The following EDEM1 variants were observed in gnomAD, a reference collection of about 807,000 sequenced individuals.
The protein encoded by EDEM1 is ER degradation-enhancing alpha-mannosidase-like protein 1.
In EDEM1, 67 loss-of-function variants were observed where a neutral mutation model predicts 74.4. That is an observed-to-expected ratio of 0.90 (90% CI 0.74 to 1.10). The LOEUF is 1.10. Among genes scored for constraint, EDEM1 ranks in the 50% least tolerant of loss-of-function variants. The probability of loss-of-function intolerance (pLI) is 0.00; values close to 1 mark genes in which losing one functional copy is unlikely to be tolerated. For missense variants in EDEM1, 926 were observed against 851.6 expected, an observed-to-expected ratio of 1.09 and a Z score of -1.09; for synonymous variants, 382 against 335.9, an observed-to-expected ratio of 1.14 and a Z score of -1.50.
intron 4 of EDEM1, 152 bp downstream of exon 4, chr3:5,202,076 T>A: frequency 1.1e-6 from 1 of 945,162 alleles, no homozygotes. Flanking sequence ...AAATATGATG[T>A]AAATATTTTA....
At chr3:5,209,417 T>C (rs2055139929) in intron 8 of EDEM1, among the ~76,000 whole-genome samples, 1 of 152,176 alleles carries the variant, frequency 6.6e-6, no homozygotes, top group African/African-American at 2.4e-5. Context: ...CACTGCTTCT[T>C]TCATGTTTTC....
chr3:5,200,898 A>ATTTT (rs376272520), intron 3 of EDEM1, among the ~76,000 whole-genome samples: 1 of 148,312 alleles, frequency 6.7e-6, no homozygotes, highest in African/African-American at 2.5e-5. Flanking sequence ...ATTAAATTAA[A>ATTTT]TTTTTTTTTT....
At chr3:5,204,373 CT>C (rs111864790) in intron 5 of EDEM1, among the ~76,000 whole-genome samples, 3,834 of 145,262 alleles carry the variant, frequency 0.026, 135 homozygotes, top group African/African-American at 0.089. Context: ...TTTCCCTTTT[CT>C]TTTTTTTTTT....
intron 6 of EDEM1, among the ~76,000 whole-genome samples, chr3:5,206,455 CTCG>C (rs1286149905): frequency 6.6e-6 from 1 of 152,118 alleles, no homozygotes; most frequent in Non-Finnish European, 1.5e-5. Context: ...ATCCACCCGC[CTCG>C]GCCTCCCAAA....
intron 7 of EDEM1, 68 bp from the exon 8 acceptor site, chr3:5,208,025 C>A (rs995074555): frequency 1.3e-6 from 2 of 1,495,458 alleles, no homozygotes; most frequent in African/African-American, 2.8e-5. Context: ...CCCAGGCAGG[C>A]CCTTTGTGCC....
chr3:5,219,692 A>C lies in EDEM1; in HGVS notation c.*3774A>C, dbSNP rs2055289999. The stretch of plus-strand genomic sequence containing the variant: ...TATTTATTTTGCATAAGAAAGGTAA[A>C]TCTTTTTACAAAAAAAAGTATAGAG... On this transcript the variant is annotated 3_prime_UTR_variant, in exon 12 of 12. Coordinates refer to ENST00000256497, the MANE Select transcript of EDEM1 (RefSeq NM_014674.3). 1 of 152,652 alleles carries C rather than the reference A, an allele frequency of 6.6e-6. No individual in the cohort carries two copies. The highest frequency in any genetic ancestry group is 1.5e-5 in the Non-Finnish European group (1 of 68,044). The allele number at this position is 152,652 out of a possible 1,614,324, so 9.5% of individuals were successfully genotyped here.
At chr3:5,195,446 A>T (rs1054442099) in intron 2 of EDEM1, among the ~76,000 whole-genome samples, 165 bp downstream of exon 2, 2 of 152,234 alleles carry the variant, frequency 1.3e-5, no homozygotes, top group Non-Finnish European at 1.5e-5. Flanking sequence ...GAGAACAAGA[A>T]AAGTGTTGAA....
In EDEM1 at chr3:5,203,067, G is replaced by T; in HGVS notation, c.960G>T (p.Leu320=). 1 of 1,613,436 alleles carries T rather than the reference G, an allele frequency of 6.2e-7. No homozygotes were observed. The highest frequency in any genetic ancestry group is 1.3e-5 in the African/African-American group (1 of 74,982). Residue 320 remains leucine, a synonymous_variant, in exon 5 of 12, where the codon CTG becomes CTT. Transcript: ENST00000256497. ...LVEFGILSRL[L]GDSTFEWVAR... is the part of the protein sequence containing the mutation. ...AATTTGGGATTCTGAGTCGACTCCT[G>T]GGGGACTCCACATTTGAGTGGGTGG...
Position 5,216,119 on chromosome 3 carries a change from G to T in EDEM1, c.*201G>T. The T allele has an allele frequency of 3.7e-6, 2 of 535,144 alleles. No individual in the cohort carries two copies. The highest frequency in any genetic ancestry group is 2.0e-5 in the African/African-American group (1 of 50,668). The allele number at this position is 535,144 out of a possible 1,614,324, so 33.1% of individuals were successfully genotyped here. On this transcript the variant is annotated 3_prime_UTR_variant, in exon 12 of 12. Coordinates refer to ENST00000256497, the MANE Select transcript of EDEM1 (RefSeq NM_014674.3). ...CCTGTTCAATAAAATGCCCTGTTAA[G>T]GATATAATTTGAAGTGAGAAGATAC...
chr3:5,208,219 C>T lies in EDEM1; in HGVS notation c.1465C>T (p.Pro489Ser), dbSNP rs757527194. 4 of 1,613,698 alleles carry T rather than the reference C, an allele frequency of 2.5e-6. No homozygotes were observed. The South Asian group carries it at 3.3e-5, about 13-fold the overall frequency. ...GCAGGCCCCTGACGTTCTCTTCTAC[C>T]CACTGAGACCAGAGTTAGTGGAATC... ...QLQAPDVLFY[P>S]LRPELVESTY... Residue 489 changes from proline (P) to serine (S), a missense_variant, in exon 8 of 12, where the codon CCA becomes TCA. Transcript: ENST00000256497.
chr3:5,201,736 G>T lies in EDEM1; in HGVS notation c.687-17G>T, dbSNP rs777719936. The T allele has an allele frequency of 1.9e-5, 30 of 1,613,060 alleles. No individual in the cohort carries two copies. In the East Asian group the frequency reaches 6.5e-4, roughly 35 times the overall value. ...AGCAACACGATTGTATTATCTTTTT[G>T]TTCTTCCTGTCATTAGGGTCCTGGG... On this transcript the variant is annotated splice_polypyrimidine_tract_variant and intron_variant, in intron 3 of 11. Coordinates refer to ENST00000256497, the MANE Select transcript of EDEM1 (RefSeq NM_014674.3).
chr3:5,196,189 G>A (rs2054964712), intron 2 of EDEM1, among the ~76,000 whole-genome samples: 1 of 152,228 alleles, frequency 6.6e-6, no homozygotes, highest in African/African-American at 2.4e-5. Flanking sequence ...GGGCGCAGTG[G>A]CTCACGCCTG....
At chr3:5,206,780 G>A (rs1031653029) in intron 6 of EDEM1, among the ~76,000 whole-genome samples, 1 of 152,166 alleles carries the variant, frequency 6.6e-6, no homozygotes, top group Admixed American at 6.5e-5. Context: ...CTAGAGAAGA[G>A]ACTCTTTGTA....
At chr3:5,191,291 A>G (rs1196663129) in intron 1 of EDEM1, among the ~76,000 whole-genome samples, 1 of 151,994 alleles carries the variant, frequency 6.6e-6, no homozygotes, top group African/African-American at 2.4e-5. Flanking sequence ...TGGCATAATC[A>G]TTGCTCACTG....
intron 11 of EDEM1, among the ~76,000 whole-genome samples, chr3:5,213,767 G>T (rs750804912): frequency 6.6e-6 from 1 of 152,172 alleles, no homozygotes; most frequent in Non-Finnish European, 1.5e-5. Flanking sequence ...GATCCTGGAA[G>T]GGGGGAGCCT....
rs539932700 is a variant in EDEM1, at chr3:5,217,343, G to C, written c.*1425G>C. On this transcript the variant is annotated 3_prime_UTR_variant, in exon 12 of 12. Coordinates refer to ENST00000256497, the MANE Select transcript of EDEM1 (RefSeq NM_014674.3). ...TCCATGAAGCGTCATGGGTGGAAAC[G>C]CATTCTAGTAAAAAAGGTAGGAAAT... 6.6e-6 allele frequency: 1 copy of C among 152,600 alleles called. No individual in the cohort carries two copies. Among genetic ancestry groups the C allele is most frequent in the South Asian group, 2.1e-4 (1 of 4,832 alleles). The allele number at this position is 152,600 out of a possible 1,614,324, so 9.5% of individuals were successfully genotyped here.
intron 1 of EDEM1, among the ~76,000 whole-genome samples, chr3:5,193,431 C>T (rs1001733249): frequency 1.3e-5 from 2 of 152,008 alleles, no homozygotes; most frequent in East Asian, 1.9e-4. Flanking sequence ...TTGAGGGGAC[C>T]TTTTGCTATT....
chr3:5,213,243 G>A lies in EDEM1; in HGVS notation c.1681-76G>A, dbSNP rs2055188851. 5 of 1,407,130 alleles carry A rather than the reference G, an allele frequency of 3.6e-6. No individual in the cohort carries two copies. In the Admixed American group the frequency reaches 1.1e-4, roughly 30 times the overall value. 87.2% of individuals were successfully genotyped at this position (1,407,130 alleles called of 1,614,324 possible). A position where few individuals can be genotyped will look rare whatever the true frequency, so the allele number is the denominator to read the frequency against. On this transcript the variant is annotated intron_variant, in intron 10 of 11. Transcript: ENST00000256497. ...CCAAGCAAATTCTACTCCCTGAGTAGCTGGGACACGCCCCCATGATTCAGT... is the reference window on the plus strand; with the variant it reads ...CCAAGCAAATTCTACTCCCTGAGTAACTGGGACACGCCCCCATGATTCAGT...
chr3:5,212,313 G>A (rs2055177429), intron 10 of EDEM1, among the ~76,000 whole-genome samples: 1 of 152,184 alleles, frequency 6.6e-6, no homozygotes, highest in Admixed American at 6.5e-5. Flanking sequence ...CTGTCCAGTG[G>A]GAAGACAGCT....
Sources: allele counts gnomAD v4.1 joint callset (sites outside exome capture counted in the v4.1 genomes callset), GRCh38; gene constraint gnomAD v4.1.1; transcripts MANE v1.5; gene names NCBI Gene and HGNC (gene_info 2026-07-23, HGNC 2026-07-21).